Variants in SORCS1 observed in about 807,000 individuals in gnomAD.
SORCS1 encodes sortilin related VPS10 domain containing receptor 1.
A neutral mutation model predicts 146.1 loss-of-function variants in SORCS1; 60 were observed. That is an observed-to-expected ratio of 0.41 (90% CI 0.33 to 0.51). SORCS1 has a LOEUF of 0.51. SORCS1 is among the 20% of genes least tolerant of loss of function. The probability of loss-of-function intolerance (pLI) is 0.21; values close to 1 mark genes in which losing one functional copy is unlikely to be tolerated. For missense variants in SORCS1, 1,352 were observed against 1,487.6 expected (o/e 0.91, Z 1.50); for synonymous variants, 637 against 584.0 (o/e 1.09, Z -1.31).
rs888397233 is a variant in SORCS1, at chr10:106,708,735, T to C, written c.1143+488A>G. On this transcript the variant is annotated intron_variant, in intron 7 of 25. Transcript: ENST00000263054. The stretch of plus-strand genomic sequence containing the variant: ...AGCTGATTACTCTCCCCCTGGCCTC[T>C]GCCTCCCACTATCTCCAGCCACCCC... Among the ~76,000 whole-genome samples, 11 of 152,206 alleles carry C rather than the reference T, an allele frequency of 7.2e-5. 1 individual carries two copies. The highest frequency in any genetic ancestry group is 1.5e-5 in the Non-Finnish European group (1 of 68,050).
At chr10:106,851,413 A>C (rs1418444739) in intron 2 of SORCS1, among the ~76,000 whole-genome samples, 1 of 152,108 alleles carries the variant, frequency 6.6e-6, no homozygotes, top group East Asian at 1.9e-4. Context: ...ATTTGTATTT[A>C]TTTTTGCCTG....
At chr10:106,776,152 G>A (rs1444733468) in intron 4 of SORCS1, among the ~76,000 whole-genome samples, 2 of 152,132 alleles carry the variant, frequency 1.3e-5, no homozygotes, top group Non-Finnish European at 2.9e-5. Context: ...TCAGGGTTAT[G>A]CTTCCCTTTA....
intron 1 of SORCS1, among the ~76,000 whole-genome samples, chr10:107,138,258 T>C (rs1967503227): frequency 6.6e-6 from 1 of 152,210 alleles, no homozygotes; most frequent in Non-Finnish European, 1.5e-5. Context: ...CTTTCCTTAG[T>C]TCATTCTTTA....
At chr10:107,093,027 G>C (rs951489610) in intron 1 of SORCS1, among the ~76,000 whole-genome samples, 4 of 151,860 alleles carry the variant, frequency 2.6e-5, no homozygotes, top group African/African-American at 9.7e-5. Context: ...GTACTTTTCA[G>C]TCATTTCTCA....
chr10:106,593,283 CT>C (rs201408149), intron 24 of SORCS1, among the ~76,000 whole-genome samples: 3,292 of 151,566 alleles, frequency 0.022, 113 homozygotes, highest in African/African-American at 0.074. Flanking sequence ...TATTTTTTTT[CT>C]TTTTTTCTTT....
chr10:107,016,537 T>C (rs1367531621), intron 1 of SORCS1, among the ~76,000 whole-genome samples: 1 of 152,092 alleles, frequency 6.6e-6, no homozygotes, highest in Non-Finnish European at 1.5e-5. Context: ...TATAGGTCGA[T>C]TGTACATTTA....
At chr10:106,678,349 T>C (rs909978452) in intron 12 of SORCS1, among the ~76,000 whole-genome samples, 8 of 152,200 alleles carry the variant, frequency 5.3e-5, no homozygotes, top group Non-Finnish European at 1.2e-4. Context: ...GAGTTTCTTA[T>C]GCAAATTTCT....
At chr10:107,029,428 G>A (rs572811360) in intron 1 of SORCS1, among the ~76,000 whole-genome samples, 3 of 152,212 alleles carry the variant, frequency 2.0e-5, no homozygotes, top group South Asian at 4.2e-4. Context: ...TCTCATTCAC[G>A]CATTCAACTG....
Position 107,164,475 on chromosome 10 carries a change from G to T in SORCS1, c.52C>A (p.Leu18Ile). 7.3e-7 allele frequency: 1 copy of T among 1,363,164 alleles called. No individual in the cohort carries two copies. The highest frequency in any genetic ancestry group is 9.4e-7 in the Non-Finnish European group (1 of 1,065,836). 84.4% of individuals were successfully genotyped at this position (1,363,164 alleles called of 1,614,324 possible). Residue 18 changes from leucine (L) to isoleucine (I), a missense_variant, in exon 1 of 26, where the codon CTC (leucine) becomes ATC (isoleucine). Leu to Ile is a conservative substitution (Grantham distance 5). Around this residue, in one of 3 missense-constraint regions of SORCS1, gnomAD observed 490 missense variants for 489.1 expected, o/e 1.00. Transcript: ENST00000263054. This position sits in a 1 kb window ranked among gnomAD's most constrained non-coding sequence, Gnocchi z 6.8. Reference protein sequence around the residue: ...GGSQARLSALLAGAGLLILCA... With the variant: ...GGSQARLSALIAGAGLLILCA... ...AGGATCAAGAGCCCCGCGCCGGCGAGGAGCGCGCTCAGCCGGGCTTGGGAG... is the reference window on the plus strand; with the variant it reads ...AGGATCAAGAGCCCCGCGCCGGCGATGAGCGCGCTCAGCCGGGCTTGGGAG...
Position 107,062,812 on chromosome 10 carries a change from G to A in SORCS1, c.558+101157C>T, listed in dbSNP as rs116381736. 3.6e-3 allele frequency among the ~76,000 whole-genome samples: 548 copies of A among 152,318 alleles called. 4 individuals carry two copies. Among genetic ancestry groups the A allele is most frequent in the African/African-American group, 0.012 (514 of 41,572 alleles). On this transcript the variant is annotated intron_variant, in intron 1 of 25. Coordinates refer to ENST00000263054, the MANE Select transcript of SORCS1 (RefSeq NM_052918.5). The stretch of plus-strand genomic sequence containing the variant: ...GATCAAGGATACTGCATCTTGAAAT[G>A]TGAAGTCAGTGGTAAGGATGTGTGA...
At chr10:106,602,390 C>T (rs1846292239) in intron 23 of SORCS1, among the ~76,000 whole-genome samples, 1 of 152,006 alleles carries the variant, frequency 6.6e-6, no homozygotes, top group Admixed American at 6.6e-5. Flanking sequence ...GAGGAATATT[C>T]CTTTTGTGTT....
chr10:106,914,932 G>A (rs1952340052), intron 2 of SORCS1, among the ~76,000 whole-genome samples: 1 of 152,118 alleles, frequency 6.6e-6, no homozygotes. Context: ...TTTCCAATCA[G>A]TGGTGCTGAC....
intron 1 of SORCS1, among the ~76,000 whole-genome samples, chr10:107,129,768 T>C (rs1966849234): frequency 6.6e-6 from 1 of 152,238 alleles, no homozygotes; most frequent in East Asian, 1.9e-4. Context: ...ACTTCTTTGA[T>C]GGCTTGGATG....
At chr10:107,042,683 C>T (rs1297966682) in intron 1 of SORCS1, among the ~76,000 whole-genome samples, 2 of 151,108 alleles carry the variant, frequency 1.3e-5, no homozygotes, top group Non-Finnish European at 2.9e-5. Flanking sequence ...AATCTCGGCT[C>T]ACTGCAACCT....
At chr10:107,099,023 T>C (rs957048088) in intron 1 of SORCS1, among the ~76,000 whole-genome samples, 4 of 152,240 alleles carry the variant, frequency 2.6e-5, no homozygotes, top group Non-Finnish European at 5.9e-5. Context: ...TCTGCACTAT[T>C]ATGGTGTCCA....
intron 1 of SORCS1, among the ~76,000 whole-genome samples, chr10:106,972,929 T>C (rs1189038271): frequency 6.6e-6 from 1 of 152,202 alleles, no homozygotes; most frequent in Non-Finnish European, 1.5e-5. Flanking sequence ...TATTTAATCC[T>C]GGATCTTCTT....
chr10:106,579,856 C>T (rs575733719), intron 24 of SORCS1, among the ~76,000 whole-genome samples: 20 of 152,120 alleles, frequency 1.3e-4, no homozygotes, highest in East Asian at 3.9e-4. Flanking sequence ...ATGTATGTTA[C>T]GCATTGAGAA....
rs1435746962 is a variant in SORCS1, at chr10:106,726,185, C to CTCTTTTTTTTT, written c.1024+3864_1024+3865insAAAAAAAAAGA. Among the ~76,000 whole-genome samples the CTCTTTTTTTTT allele has an allele frequency of 9.5e-4, 63 of 66,302 alleles. 3 individuals are homozygous for CTCTTTTTTTTT. Among genetic ancestry groups the CTCTTTTTTTTT allele is most frequent in the Non-Finnish European group, 1.3e-3 (46 of 35,230 alleles). The allele number at this position is 66,302 out of a possible 152,430, so 43.5% of individuals were successfully genotyped here. A position where few individuals can be genotyped will look rare whatever the true frequency, so the allele number is the denominator to read the frequency against. ...TTATTGAGACAATCTCTTTCCCTCT[C>CTCTTTTTTTTT]TTTTTTTTTTTTTTTTTTTTTTACA... is the stretch of plus-strand genomic sequence containing the variant. On this transcript the variant is annotated intron_variant, in intron 6 of 25. Transcript: ENST00000263054.
At chr10:107,165,100 T>C (rs1970006904), upstream of SORCS1, among the ~76,000 whole-genome samples, 1 of 152,068 alleles carries the variant, frequency 6.6e-6, no homozygotes, top group African/African-American at 2.4e-5. The surrounding 1 kb of genome is among the most constrained non-coding windows in gnomAD (Gnocchi z 4.0). Flanking sequence ...TGCTGTTTCC[T>C]TTTTTCTCCG....
Sources: gnomAD v4.1 joint callset for allele counts (sites outside exome capture counted in the v4.1 genomes callset) on GRCh38, gnomAD v4.1.1 for gene constraint, gnomAD v4.1.1 regional missense constraint, Gnocchi (gnomAD v3.1) non-coding constraint, MANE v1.5 for transcripts, NCBI Gene and HGNC (gene_info 2026-07-23, HGNC 2026-07-21) for gene names.